MAF: variants seen among roughly 807,000 people sequenced by gnomAD.
MAF encodes the protein transcription factor Maf.
A neutral mutation model predicts 22.0 loss-of-function variants in MAF; 10 were observed. That is an observed-to-expected ratio of 0.45 (90% CI 0.28 to 0.77). The LOEUF (loss-of-function observed/expected upper bound fraction) is 0.77. MAF is among the 30% of genes least tolerant of loss of function. MAF has a pLI of 0.12. For synonymous variants in MAF, 337 were observed against 255.8 expected (o/e 1.32, Z -3.03); for missense variants, 544 against 548.4 (o/e 0.99, Z 0.08).
At chr16:79,558,728 C>G in the MAF span, among the ~76,000 whole-genome samples, 1 of 152,166 alleles carries the variant, frequency 6.6e-6, no homozygotes, top group Non-Finnish European at 1.5e-5. Context: ...CCTTACTACC[C>G]AGCTAGGGTT....
the MAF span, among the ~76,000 whole-genome samples, chr16:79,576,272 T>C: frequency 8.2e-4 from 121 of 148,224 alleles, no homozygotes; most frequent in African/African-American, 3.0e-3. Context: ...ACCAGTACTT[T>C]AGGCAACCAT....
chr16:79,364,807 T>A, the MAF span, among the ~76,000 whole-genome samples: 3 of 152,216 alleles, frequency 2.0e-5, no homozygotes, highest in Non-Finnish European at 4.4e-5. Flanking sequence ...GGCAGAACTA[T>A]TGCATGTGTA....
chr16:79,584,842 A>C (rs779433482), downstream of MAF, among the ~76,000 whole-genome samples: 18 of 152,110 alleles, frequency 1.2e-4, no homozygotes, highest in Non-Finnish European at 2.4e-4. Context: ...TTAAAGTAAG[A>C]CTCTCATGGT....
chr16:79,328,913 G>C, the MAF span, among the ~76,000 whole-genome samples: 3 of 152,088 alleles, frequency 2.0e-5, no homozygotes, highest in East Asian at 3.9e-4. Context: ...TTAGTGCTAA[G>C]GGCATAACTG....
downstream of MAF, among the ~76,000 whole-genome samples, chr16:79,581,361 C>A (rs2143663073): frequency 6.6e-6 from 1 of 152,274 alleles, no homozygotes; most frequent in African/African-American, 2.4e-5. Flanking sequence ...AATTAACTAC[C>A]ACCGGCAACA....
At chr16:79,590,583 G>A (rs1336877814), downstream of MAF, among the ~76,000 whole-genome samples, 1 of 152,146 alleles carries the variant, frequency 6.6e-6, no homozygotes, top group African/African-American at 2.4e-5. Flanking sequence ...GAGTCAGGTG[G>A]GAAGGGTGCA....
chr16:79,591,791 T>TA (rs1226177311), downstream of MAF, among the ~76,000 whole-genome samples: 1 of 152,232 alleles, frequency 6.6e-6, no homozygotes, highest in African/African-American at 2.4e-5. Flanking sequence ...ACTATTGCAG[T>TA]GACCATTTAA....
At chr16:79,551,200 C>T in the MAF span, among the ~76,000 whole-genome samples, 2 of 152,066 alleles carry the variant, frequency 1.3e-5, no homozygotes, top group African/African-American at 2.4e-5. Context: ...TGCTGGATCT[C>T]CCACCAGATT....
the MAF span, among the ~76,000 whole-genome samples, chr16:79,328,492 C>G: frequency 6.6e-6 from 1 of 152,130 alleles, no homozygotes; most frequent in African/African-American, 2.4e-5. Flanking sequence ...AGAATACATT[C>G]TTTTGATTTT....
At chr16:79,579,859 C>G in the MAF span, among the ~76,000 whole-genome samples, 8 of 152,240 alleles carry the variant, frequency 5.3e-5, no homozygotes, top group East Asian at 1.5e-3. Flanking sequence ...ATGGGAATAT[C>G]TGAATGGCAC....
At chr16:79,406,068 C>T in the MAF span, among the ~76,000 whole-genome samples, 2 of 152,208 alleles carry the variant, frequency 1.3e-5, no homozygotes, top group Non-Finnish European at 1.5e-5. Flanking sequence ...AACTCCCTCA[C>T]CTCTGAGGCT....
the MAF span, among the ~76,000 whole-genome samples, chr16:79,535,446 A>T: frequency 6.6e-6 from 1 of 151,140 alleles, no homozygotes; most frequent in Admixed American, 6.6e-5. Flanking sequence ...TACCGTGCTG[A>T]GTGGTCAAGA....
intron 1 of MAF, among the ~76,000 whole-genome samples, chr16:79,586,718 C>G (rs1335672770): frequency 6.6e-6 from 1 of 152,182 alleles, no homozygotes; most frequent in Non-Finnish European, 1.5e-5. Flanking sequence ...ATTTACTGTA[C>G]AGAGTCCAAT....
chr16:79,458,401 G>C, the MAF span, among the ~76,000 whole-genome samples: 1 of 152,082 alleles, frequency 6.6e-6, no homozygotes, highest in Admixed American at 6.5e-5. Context: ...AAACCATGTG[G>C]CCCTCAGAGA....
At chr16:79,460,185 C>A in the MAF span, among the ~76,000 whole-genome samples, 1 of 151,938 alleles carries the variant, frequency 6.6e-6, no homozygotes, top group East Asian at 1.9e-4. Context: ...GTTTATATGC[C>A]TTTTACCATG....
the MAF span, among the ~76,000 whole-genome samples, chr16:79,464,297 C>A: frequency 6.6e-6 from 1 of 152,036 alleles, no homozygotes; most frequent in Non-Finnish European, 1.5e-5. Flanking sequence ...GTAGATCTGA[C>A]TGTGTAGAGA....
the MAF span, among the ~76,000 whole-genome samples, chr16:79,509,913 A>T: frequency 6.6e-6 from 1 of 152,218 alleles, no homozygotes; most frequent in South Asian, 2.1e-4. Flanking sequence ...CTGGGTTGAA[A>T]GGGAATATCA....
chr16:79,546,982 G>T, the MAF span, among the ~76,000 whole-genome samples: 3 of 152,182 alleles, frequency 2.0e-5, no homozygotes, highest in Admixed American at 6.5e-5. Flanking sequence ...AAATTTGGGG[G>T]TGATGACAGA....
the MAF span, among the ~76,000 whole-genome samples, chr16:79,249,499 TG>T: frequency 2.0e-5 from 3 of 151,740 alleles, no homozygotes; most frequent in Admixed American, 2.0e-4. Context: ...GATCCATCTT[TG>T]GGGAACAGGC....
Sources: gnomAD v4.1 joint callset for allele counts (sites outside exome capture counted in the v4.1 genomes callset) on GRCh38, gnomAD v4.1.1 for gene constraint, MANE v1.5 for transcripts, NCBI Gene and HGNC (gene_info 2026-07-23, HGNC 2026-07-21) for gene names.